Variants in SLC44A5 observed in about 807,000 individuals in gnomAD.
SLC44A5 encodes choline transporter-like protein 5.
SLC44A5 carries 57 observed loss-of-function variants against 101.8 expected under a neutral mutation model. The observed-to-expected ratio is 0.56, with a 90% CI of 0.45 to 0.70. The LOEUF (loss-of-function observed/expected upper bound fraction) is 0.70, where lower values mean the gene tolerates loss of function less well. Ranked by LOEUF, SLC44A5 falls within the 30% of genes least tolerant of loss-of-function variation. The pLI is 0.00. For missense variants in SLC44A5, 737 were observed against 853.1 expected, an observed-to-expected ratio of 0.86 and a Z score of 1.70; for synonymous variants, 281 against 290.9, an observed-to-expected ratio of 0.97 and a Z score of 0.35.
intron 12 of SLC44A5, among the ~76,000 whole-genome samples, chr1:75,228,260 A>T (rs1052765695): frequency 6.6e-6 from 1 of 152,128 alleles, no homozygotes. Context: ...TTTTGAGGTT[A>T]TTTTAATAGA....
intron 2 of SLC44A5, among the ~76,000 whole-genome samples, chr1:75,511,874 T>C (rs1423991057): frequency 1.3e-5 from 2 of 152,214 alleles, no homozygotes; most frequent in East Asian, 3.9e-4. Flanking sequence ...ATTAATCCTC[T>C]TCCCATTCAA....
intron 2 of SLC44A5, among the ~76,000 whole-genome samples, chr1:75,515,256 C>T (rs1342477846): frequency 2.6e-5 from 4 of 152,102 alleles, no homozygotes; most frequent in Non-Finnish European, 2.9e-5. Context: ...ATATTCATCA[C>T]GTCAAATACT....
At chr1:75,444,836 T>C (rs1665457096) in intron 2 of SLC44A5, among the ~76,000 whole-genome samples, 2 of 152,034 alleles carry the variant, frequency 1.3e-5, no homozygotes, top group African/African-American at 4.8e-5. Flanking sequence ...GGGAAGATCA[T>C]GAAGTACTCT....
In SLC44A5 at chr1:75,263,329, C is replaced by T. The variant is rs1229546483; in HGVS notation, c.260+11629G>A. On this transcript the variant is annotated intron_variant, in intron 6 of 23. Coordinates refer to ENST00000370859, the MANE Select transcript of SLC44A5 (RefSeq NM_001130058.2). ...TCAAAAAGTGGCTGAAGGATATGAA[C>T]AGACACTTCTTAGAAGAAGACATTT... Among the ~76,000 whole-genome samples the T allele has an allele frequency of 2.0e-5, 3 of 152,096 alleles. 1 individual carries two copies. The highest frequency in any genetic ancestry group is 2.0e-4 in the Admixed American group (3 of 15,264).
intron 2 of SLC44A5, among the ~76,000 whole-genome samples, chr1:75,496,637 T>C (rs1570450443): frequency 6.8e-6 from 1 of 147,624 alleles, no homozygotes; most frequent in African/African-American, 2.5e-5. Context: ...AAAGTGGGAC[T>C]ACATCATGCT....
At chr1:75,318,372 A>G (rs1258634483) in intron 4 of SLC44A5, among the ~76,000 whole-genome samples, 1 of 1,600 alleles carries the variant, frequency 6.3e-4, no homozygotes, top group East Asian at 0.019. Flanking sequence ...CCATCTCTTG[A>G]AAGAAAGAAA....
At chr1:75,317,914 G>C (rs764626207) in intron 4 of SLC44A5, among the ~76,000 whole-genome samples, 2 of 152,100 alleles carry the variant, frequency 1.3e-5, no homozygotes, top group African/African-American at 2.4e-5. Context: ...TGGGGATTAA[G>C]GCTCCAACAT....
At chr1:75,634,216 C>T in the SLC44A5 span, among the ~76,000 whole-genome samples, 2 of 152,104 alleles carry the variant, frequency 1.3e-5, no homozygotes, top group East Asian at 3.9e-4. Context: ...GCTTTGGTAT[C>T]AGGATGATGC....
intron 23 of SLC44A5, 148 bp downstream of exon 23, chr1:75,211,320 A>C: frequency 1.8e-6 from 1 of 566,230 alleles, no homozygotes; most frequent in Non-Finnish European, 3.2e-6. Context: ...AATAACATCT[A>C]CTAAGCAATA....
the SLC44A5 span, among the ~76,000 whole-genome samples, chr1:75,651,759 T>C: frequency 6.6e-6 from 1 of 151,308 alleles, no homozygotes; most frequent in South Asian, 2.1e-4. Flanking sequence ...CATTACTGAT[T>C]ATAAAATTAT....
chr1:75,475,923 G>A (rs1667364951), intron 2 of SLC44A5, among the ~76,000 whole-genome samples: 1 of 152,226 alleles, frequency 6.6e-6, no homozygotes, highest in African/African-American at 2.4e-5. Flanking sequence ...GGTGGTTCAT[G>A]CCTGTAATCC....
chr1:75,386,367 G>T (rs1463379116), intron 3 of SLC44A5, among the ~76,000 whole-genome samples: 2 of 152,060 alleles, frequency 1.3e-5, no homozygotes, highest in African/African-American at 2.4e-5. Context: ...AAAGTCTCAG[G>T]ATACAAAATC....
chr1:75,599,187 A>G (rs1557948862), intron 1 of SLC44A5, among the ~76,000 whole-genome samples: 1 of 152,148 alleles, frequency 6.6e-6, no homozygotes, highest in Non-Finnish European at 1.5e-5. Context: ...ATTGCGCACA[A>G]TCAAAATGCT....
the SLC44A5 span, among the ~76,000 whole-genome samples, chr1:75,628,716 AAAG>A: frequency 7.2e-4 from 110 of 152,310 alleles, no homozygotes; most frequent in Non-Finnish European, 1.1e-3. Flanking sequence ...AGAAAGACAC[AAAG>A]AAGTTTTCAA....
At chr1:75,552,541 T>TA (rs1229507248) in intron 1 of SLC44A5, among the ~76,000 whole-genome samples, 3 of 151,958 alleles carry the variant, frequency 2.0e-5, no homozygotes, top group Non-Finnish European at 4.4e-5. Flanking sequence ...AACCTCAACA[T>TA]CATATAAACA....
intron 4 of SLC44A5, among the ~76,000 whole-genome samples, chr1:75,331,825 T>C (rs1035933729): frequency 6.6e-6 from 1 of 152,152 alleles, no homozygotes; most frequent in Non-Finnish European, 1.5e-5. Context: ...CTATCTAACA[T>C]GTTATATCCT....
intron 2 of SLC44A5, among the ~76,000 whole-genome samples, chr1:75,481,343 G>C (rs1478434892): frequency 6.6e-6 from 1 of 152,120 alleles, no homozygotes; most frequent in East Asian, 1.9e-4. Flanking sequence ...CATAGGCATG[G>C]GCAAGGACTT....
At chr1:75,292,954 C>T (rs1311592225) in intron 5 of SLC44A5, among the ~76,000 whole-genome samples, 1 of 152,154 alleles carries the variant, frequency 6.6e-6, no homozygotes, top group Non-Finnish European at 1.5e-5. Context: ...AAAACCAACA[C>T]AAATCTGGTT....
chr1:75,670,134 A>C, the SLC44A5 span, among the ~76,000 whole-genome samples: 1 of 152,202 alleles, frequency 6.6e-6, no homozygotes, highest in African/African-American at 2.4e-5. Flanking sequence ...AAAAGATAGA[A>C]GATATGATAA....
Sources: allele counts gnomAD v4.1 joint callset (sites outside exome capture counted in the v4.1 genomes callset), GRCh38; gene constraint gnomAD v4.1.1; transcripts MANE v1.5; gene names NCBI Gene and HGNC (gene_info 2026-07-23, HGNC 2026-07-21).